The following GABRD variants were observed in gnomAD, a reference collection of about 807,000 sequenced individuals.
GABRD encodes gamma-aminobutyric acid type A receptor subunit delta, also known as gamma-aminobutyric acid receptor subunit delta.
GABRD carries 25 observed loss-of-function variants against 47.3 expected under a neutral mutation model. That is an observed-to-expected ratio of 0.53 (90% CI 0.39 to 0.74). The LOEUF is 0.74. Ranked by LOEUF, GABRD falls within the 30% of genes least tolerant of loss-of-function variation. GABRD has a pLI of 0.00. For missense variants in GABRD, 497 were observed against 643.4 expected (o/e 0.77, Z 2.46); for synonymous variants, 314 against 278.8 (o/e 1.13, Z -1.26).
In GABRD at chr1:2,025,334, GC is replaced by G; in HGVS notation, c.189del (p.Val64Ter). ...TCTTAGTTCTGCTCTTTCCTTGCAG[GC>G]CCCCCCGTGAATGTGGCCCTTGCCC... ...YARNFRPGIG[G>X]PPVNVALALE... On this transcript the variant is annotated frameshift_variant and splice_region_variant, in exon 3 of 9. Coordinates refer to ENST00000378585, the MANE Select transcript of GABRD (RefSeq NM_000815.5). LOFTEE classifies it high-confidence loss of function. 6 of 1,613,102 alleles carry G rather than the reference GC, an allele frequency of 3.7e-6. No homozygotes were observed. Among genetic ancestry groups the G allele is most frequent in the Non-Finnish European group, 5.1e-6 (6 of 1,179,960 alleles).
rs1207791272 is a variant in GABRD, at chr1:2,019,437, C to G, written c.14C>G (p.Ala5Gly). The change falls in exon 1 of 9, where the codon GCC (alanine) becomes GGC (glycine). Residue 5 changes from alanine (A) to glycine (G), a missense_variant. Physicochemically the swap from Ala to Gly is moderately conservative, Grantham distance 60. Around this residue, in one of 3 missense-constraint regions of GABRD, gnomAD observed 91 missense variants for 85.5 expected, o/e 1.06. Transcript: ENST00000378585. The stretch of plus-strand genomic sequence containing the variant: ...CCCGCCGCGGCCATGGACGCGCCCG[C>G]CCGGCTGCTGGCCCCGCTCCTGCTC... MDAP[A>G]RLLAPLLLLC... The G allele has an allele frequency of 2.7e-6, 3 of 1,102,030 alleles. No individual in the cohort carries two copies. Among genetic ancestry groups the G allele is most frequent in the South Asian group, 7.6e-5 (2 of 26,300 alleles). 68.3% of individuals were successfully genotyped at this position (1,102,030 alleles called of 1,614,324 possible). A position where few individuals can be genotyped will look rare whatever the true frequency, so the allele number is the denominator to read the frequency against.
chr1:2,029,101 G>A lies in GABRD; in HGVS notation c.692-10G>A, dbSNP rs1230819081. 2 of 1,539,744 alleles carry A rather than the reference G, an allele frequency of 1.3e-6. No individual in the cohort carries two copies. The highest frequency in any genetic ancestry group is 2.4e-5 in the East Asian group (1 of 40,928). On this transcript the variant is annotated splice_polypyrimidine_tract_variant and intron_variant, in intron 6 of 8. Transcript: ENST00000378585. ...AGGGATGGGGGCACTGACGGTGGCT[G>A]TCCTGGCAGCTGGCCAGTTCCCACG... is the stretch of plus-strand genomic sequence containing the variant.
At position 2,025,862 on chromosome 1, in the gene GABRD, G is replaced by T. The variant is rs561793868; in HGVS notation, c.470+124G>T. Reference sequence around the variant, plus strand: ...GCTGCCGGGAGCTGGCGGGCGGGCGGAGGGGGGGGCAGAAGCTGCGCGGTT... The same window carrying T: ...GCTGCCGGGAGCTGGCGGGCGGGCGTAGGGGGGGGCAGAAGCTGCGCGGTT... On this transcript the variant is annotated intron_variant, in intron 4 of 8. Transcript: ENST00000378585. 2.7e-4 allele frequency: 210 copies of T among 764,452 alleles called. 3 individuals carry two copies. In the East Asian group the frequency reaches 5.6e-3, roughly 21 times the overall value. 47.4% of individuals were successfully genotyped at this position (764,452 alleles called of 1,614,324 possible). A position where few individuals can be genotyped will look rare whatever the true frequency, so the allele number is the denominator to read the frequency against.
At chr1:2,025,125 C>A (rs1238345807) in intron 2 of GABRD, 71 bp downstream of exon 2, 3 of 1,407,524 alleles carry the variant, frequency 2.1e-6, no homozygotes, top group African/African-American at 2.8e-5. Flanking sequence ...GTGTGGCCCA[C>A]TGGGCTGTAG....
chr1:2,025,844 GGA>G, intron 4 of GABRD, 106 bp downstream of exon 4: 1 of 993,774 alleles, frequency 1.0e-6, no homozygotes, highest in African/African-American at 1.6e-5. Context: ...TCTGCTGCCG[GGA>G]GCTGGCGGGC....
chr1:2,029,824 C>T, intron 8 of GABRD, 62 bp downstream of exon 8: 1 of 1,523,216 alleles, frequency 6.6e-7, no homozygotes, highest in Non-Finnish European at 9.1e-7. Flanking sequence ...GACCCTTCAG[C>T]TGCCCCAGCC....
At position 2,028,405 on chromosome 1, in the gene GABRD, T is replaced by C; in HGVS notation, c.691+113T>C. 1 of 1,207,922 alleles carries C rather than the reference T, an allele frequency of 8.3e-7. No homozygotes were observed. The highest frequency in any genetic ancestry group is 1.1e-6 in the Non-Finnish European group (1 of 943,266). 74.8% of individuals were successfully genotyped at this position (1,207,922 alleles called of 1,614,324 possible). A position where few individuals can be genotyped will look rare whatever the true frequency, so the allele number is the denominator to read the frequency against. ...TTCCGCGTGCGCCCGCCTGTGGTTT[T>C]CATGCTTTTTAGTCAAGCGCCCGCA... On this transcript the variant is annotated intron_variant, in intron 6 of 8. Coordinates refer to ENST00000378585, the MANE Select transcript of GABRD (RefSeq NM_000815.5). This position sits in a 1 kb window ranked among gnomAD's most constrained non-coding sequence, Gnocchi z 6.4.
intron 1 of GABRD, among the ~76,000 whole-genome samples, chr1:2,023,343 G>T (rs112620189): frequency 2.6e-5 from 4 of 152,136 alleles, no homozygotes; most frequent in African/African-American, 9.6e-5. Flanking sequence ...ACGGGGTGGG[G>T]CTGGTGGCCC....
In GABRD at chr1:2,028,061, C is replaced by T. The variant is rs1397209243; in HGVS notation, c.554-94C>T. The T allele has an allele frequency of 1.4e-6, 2 of 1,403,896 alleles. No individual in the cohort carries two copies. Among genetic ancestry groups the T allele is most frequent in the East Asian group, 2.4e-5 (1 of 41,874 alleles). The allele number at this position is 1,403,896 out of a possible 1,614,324, so 87.0% of individuals were successfully genotyped here. On this transcript the variant is annotated intron_variant, in intron 5 of 8. Coordinates refer to ENST00000378585, the MANE Select transcript of GABRD (RefSeq NM_000815.5). The surrounding 1 kb of genome is among the most constrained non-coding windows in gnomAD (Gnocchi z 6.4). ...TCGGTCCCCATCACGATGGCGTCGG[C>T]CCCCTGCAGGCTTCCTGTGTGGACG...
In GABRD at chr1:2,019,371, GC is replaced by G; in HGVS notation, c.-52del. 1.0e-6 allele frequency: 1 copy of G among 990,406 alleles called. No homozygotes were observed. Among genetic ancestry groups the G allele is most frequent in the Non-Finnish European group, 1.2e-6 (1 of 827,376 alleles). The allele number at this position is 990,406 out of a possible 1,614,324, so 61.4% of individuals were successfully genotyped here. ...GCTCCCGCCCGCCTGTGCCGCCTGT[GC>G]GGCCGCCGGGAGCCAAGTTTGCGCG... is the stretch of plus-strand genomic sequence containing the variant. On this transcript the variant is annotated 5_prime_UTR_variant, in exon 1 of 9. Transcript: ENST00000378585.
chr1:2,030,104 T>C lies in GABRD; in HGVS notation c.1181T>C (p.Val394Ala). 2 of 1,593,522 alleles carry C rather than the reference T, an allele frequency of 1.3e-6. No homozygotes were observed. The highest frequency in any genetic ancestry group is 1.7e-6 in the Non-Finnish European group (2 of 1,169,664). The stretch of plus-strand genomic sequence containing the variant: ...AACCTGATGGGCTCCTACAGGTCGG[T>C]GGGGGTGGAGACAGGGGAGACGAAG... ...PGNLMGSYRS[V>A]GVETGETKKE... The change falls in exon 9 of 9, where the codon GTG becomes GCG. Residue 394 changes from valine to alanine, a missense_variant. By Grantham distance (64) the Val-to-Ala change is moderately conservative. This residue lies in a region of GABRD where 121 missense variants were observed against 121.3 expected (regional missense o/e 1.00). Coordinates refer to ENST00000378585, the MANE Select transcript of GABRD (RefSeq NM_000815.5).
Position 2,028,143 on chromosome 1 carries a change from CT to C in GABRD, c.554-8del. The C allele has an allele frequency of 1.2e-5, 19 of 1,604,088 alleles. No individual in the cohort carries two copies. Among genetic ancestry groups the C allele is most frequent in the East Asian group, 2.2e-5 (1 of 44,626 alleles). On this transcript the variant is annotated splice_polypyrimidine_tract_variant and intron_variant, in intron 5 of 8. Coordinates refer to ENST00000378585, the MANE Select transcript of GABRD (RefSeq NM_000815.5). The surrounding 1 kb of genome is among the most constrained non-coding windows in gnomAD (Gnocchi z 6.4). ...CCGGGCTCTGCCGCCCACCTGTGTGCTTTTCCTCCAGACGGTTACTCATCGG... is the reference window on the plus strand; with the variant it reads ...CCGGGCTCTGCCGCCCACCTGTGTGCTTTCCTCCAGACGGTTACTCATCGG...
chr1:2,027,720 C>T (rs1658968057), intron 5 of GABRD, 61 bp downstream of exon 5: 1 of 1,445,598 alleles, frequency 6.9e-7, no homozygotes, highest in South Asian at 1.2e-5. Context: ...CTCAGACTGT[C>T]AGCCCGGGGC....
chr1:2,027,706 G>A, intron 5 of GABRD, 47 bp downstream of exon 5: 1 of 1,535,404 alleles, frequency 6.5e-7, no homozygotes. Context: ...GCAGTGGATG[G>A]GGGCTCAGAC....
At chr1:2,021,023 G>A (rs1215850624) in intron 1 of GABRD, among the ~76,000 whole-genome samples, 1 of 152,206 alleles carries the variant, frequency 6.6e-6, no homozygotes, top group Non-Finnish European at 1.5e-5. Flanking sequence ...GACGGGGAAG[G>A]GATTCTGTGC....
intron 5 of GABRD, chr1:2,027,926 C>G: frequency 1.6e-6 from 1 of 613,740 alleles, no homozygotes; most frequent in Admixed American, 2.9e-5. Context: ...GCAGCAGCCC[C>G]TGTGTGTCAC....
chr1:2,029,779 G>C lies in GABRD; in HGVS notation c.1059+17G>C. On this transcript the variant is annotated intron_variant, in intron 8 of 8. Transcript: ENST00000378585. ...AGGGCAGAGGTGAGGGCCTGGGGCCGAGCCAGGGACAGCACTGCTGGGGGC... is the reference window on the plus strand; with the variant it reads ...AGGGCAGAGGTGAGGGCCTGGGGCCCAGCCAGGGACAGCACTGCTGGGGGC... 6.2e-7 allele frequency: 1 copy of C among 1,604,026 alleles called. No homozygotes were observed. Among genetic ancestry groups the C allele is most frequent in the Non-Finnish European group, 8.5e-7 (1 of 1,171,958 alleles).
chr1:2,023,934 C>A (rs4648791), intron 1 of GABRD: 2 of 151,992 alleles, frequency 1.3e-5, no homozygotes, highest in Non-Finnish European at 2.9e-5. Flanking sequence ...AGGGAACCTC[C>A]GTCCCTGGCC....
At chr1:2,021,571 T>C (rs529609461) in intron 1 of GABRD, among the ~76,000 whole-genome samples, 2 of 151,942 alleles carry the variant, frequency 1.3e-5, no homozygotes, top group Admixed American at 6.5e-5. Context: ...AGGAAGGGAG[T>C]GTGCTGCGTG....
Sources: allele counts gnomAD v4.1 joint callset (sites outside exome capture counted in the v4.1 genomes callset), GRCh38; gene constraint gnomAD v4.1.1; regional missense constraint gnomAD v4.1.1; non-coding constraint Gnocchi (gnomAD v3.1); transcripts MANE v1.5; gene names NCBI Gene and HGNC (gene_info 2026-07-23, HGNC 2026-07-21).